RTTN: variants seen among roughly 807,000 people sequenced by gnomAD.
RTTN encodes the protein rotatin.
Under a neutral mutation model 269.2 loss-of-function variants are expected in RTTN, and 182 were observed. That is an observed-to-expected ratio of 0.68 (90% CI 0.60 to 0.76). The LOEUF (loss-of-function observed/expected upper bound fraction) is 0.76. RTTN is among the 30% of genes least tolerant of loss of function. The probability of loss-of-function intolerance (pLI) is 0.00; values close to 1 mark genes in which losing one functional copy is unlikely to be tolerated. For missense variants in RTTN, 2,545 were observed against 2,608.6 expected (o/e 0.98, Z 0.53); for synonymous variants, 1,006 against 963.5 (o/e 1.04, Z -0.82).
intron 28 of RTTN, among the ~76,000 whole-genome samples, chr18:70,093,529 C>T (rs1435539664): frequency 2.6e-5 from 4 of 152,028 alleles, no homozygotes; most frequent in African/African-American, 4.8e-5. Flanking sequence ...TGAATTTTAT[C>T]GAAAGACTTT....
chr18:70,028,889 G>C lies in RTTN; in HGVS notation c.5746-88C>G, dbSNP rs1050672014. On this transcript the variant is annotated intron_variant, in intron 42 of 48. Transcript: ENST00000640769. ...AGTAATTCCCTCCCCTTTGGGTCACGGGACAATGCAGGTGTGCTCTAATCA... is the reference window on the plus strand; with the variant it reads ...AGTAATTCCCTCCCCTTTGGGTCACCGGACAATGCAGGTGTGCTCTAATCA... 10 of 855,838 alleles carry C rather than the reference G, an allele frequency of 1.2e-5. No individual in the cohort carries two copies. In the African/African-American group the frequency reaches 1.7e-4, roughly 14 times the overall value. 53.0% of individuals were successfully genotyped at this position (855,838 alleles called of 1,614,324 possible). A position where few individuals can be genotyped will look rare whatever the true frequency, so the allele number is the denominator to read the frequency against.
chr18:70,047,581 A>C (rs12962601), intron 40 of RTTN, among the ~76,000 whole-genome samples: 116,590 of 152,124 alleles, frequency 0.77, 50,524 homozygotes, highest in East Asian at 1. Flanking sequence ...CATTTCTAGA[A>C]ATCAAATGTC....
chr18:70,188,231 T>C lies in RTTN; in HGVS notation c.1190-8A>G. 3.4e-6 allele frequency: 5 copies of C among 1,472,222 alleles called. No homozygotes were observed. Among genetic ancestry groups the C allele is most frequent in the Non-Finnish European group, 9.5e-7 (1 of 1,056,894 alleles). The allele number at this position is 1,472,222 out of a possible 1,614,324, so 91.2% of individuals were successfully genotyped here. ...TTATCACTTGTCTGCTACCTAGGAATACAAACAGAAAAAAGTAAAGGAGAA... is the reference window on the plus strand; with the variant it reads ...TTATCACTTGTCTGCTACCTAGGAACACAAACAGAAAAAAGTAAAGGAGAA... On this transcript the variant is annotated splice_polypyrimidine_tract_variant and splice_region_variant and intron_variant, in intron 9 of 48. Transcript: ENST00000640769.
rs554299497 is a variant in RTTN at position 70,031,324 on chromosome 18, A to C, written c.5542-343T>G. ...TACCTTATTAAAATGGGTCCTTGTA[A>C]AACTGCTGAACAGGAGAACTGTCAT... is the stretch of plus-strand genomic sequence containing the variant. On this transcript the variant is annotated intron_variant, in intron 40 of 48. Transcript: ENST00000640769. 4.9e-4 allele frequency: 196 copies of C among 402,058 alleles called. 4 individuals carry two copies. In the South Asian group the frequency reaches 0.023, roughly 47 times the overall value. The allele number at this position is 402,058 out of a possible 1,614,324, so 24.9% of individuals were successfully genotyped here.
chr18:70,145,943 T>C (rs1324251669), intron 17 of RTTN, among the ~76,000 whole-genome samples, 160 bp from the exon 18 acceptor site: 1 of 152,226 alleles, frequency 6.6e-6, no homozygotes, highest in Non-Finnish European at 1.5e-5. Context: ...CTAAAAATTC[T>C]TCGATATATA....
At chr18:70,191,819 A>G (rs1229283087) in intron 8 of RTTN, among the ~76,000 whole-genome samples, 1 of 152,194 alleles carries the variant, frequency 6.6e-6, no homozygotes, top group Non-Finnish European at 1.5e-5. Context: ...AAAATATGGA[A>G]ACAACTCGGG....
At chr18:70,015,593 T>C (rs1438274136) in intron 46 of RTTN, among the ~76,000 whole-genome samples, 5 of 152,176 alleles carry the variant, frequency 3.3e-5, no homozygotes, top group Non-Finnish European at 7.3e-5. Context: ...TCTCTTATCT[T>C]ACCCCTGCCT....
At chr18:70,085,072 C>T (rs1450516937) in intron 32 of RTTN, among the ~76,000 whole-genome samples, 2 of 152,050 alleles carry the variant, frequency 1.3e-5, no homozygotes, top group East Asian at 1.9e-4. Context: ...CAAGTATATC[C>T]ATGTACATGG....
chr18:70,197,371 C>T (rs556263999), intron 6 of RTTN, among the ~76,000 whole-genome samples: 2 of 152,318 alleles, frequency 1.3e-5, no homozygotes, highest in African/African-American at 4.8e-5. Flanking sequence ...GTCTACTCTA[C>T]CATTTAGGTG....
intron 17 of RTTN, among the ~76,000 whole-genome samples, chr18:70,148,481 G>A (rs2060453060): frequency 6.6e-6 from 1 of 152,174 alleles, no homozygotes; most frequent in Admixed American, 6.5e-5. Flanking sequence ...TCTGGTATTT[G>A]AGACAACTGG....
Position 70,114,449 on chromosome 18 carries a change from C to A in RTTN, c.3679G>T (p.Asp1227Tyr). 1 of 1,612,692 alleles carries A rather than the reference C, an allele frequency of 6.2e-7. No individual in the cohort carries two copies. The highest frequency in any genetic ancestry group is 1.1e-5 in the South Asian group (1 of 90,860). ...CTGCAATATTACAAATGGTACCTGT[C>A]AGTAACTTCCATGAAATTGAGCAGC... ...TLLLNFMEVT[D>Y]RKCSELLYVF... Residue 1227 changes from aspartate to tyrosine, a missense_variant, in exon 27 of 49, where the codon GAC (aspartate) becomes TAC (tyrosine). Physicochemically the swap from Asp to Tyr is radical, Grantham distance 160. Transcript: ENST00000640769.
intron 31 of RTTN, among the ~76,000 whole-genome samples, chr18:70,087,504 A>G (rs2058731953): frequency 6.6e-6 from 1 of 152,024 alleles, no homozygotes. Flanking sequence ...CAATTTGATT[A>G]TTGTTTTAAA....
intron 28 of RTTN, among the ~76,000 whole-genome samples, chr18:70,098,092 A>AT (rs910472501): frequency 1.3e-5 from 2 of 151,646 alleles, no homozygotes; most frequent in Non-Finnish European, 2.9e-5. Flanking sequence ...TCAATTATAT[A>AT]TTTTTTTTAA....
chr18:70,153,504 G>A (rs1195834606), intron 14 of RTTN, among the ~76,000 whole-genome samples: 1 of 151,986 alleles, frequency 6.6e-6, no homozygotes, highest in Non-Finnish European at 1.5e-5. Flanking sequence ...TGGAAGTGGT[G>A]GCCATTTAAT....
rs1243168388 is a variant in RTTN at position 70,020,593 on chromosome 18, T to C, written c.6153+22A>G. ...TTTCACTGAGTACCCTTTTAAGATA[T>C]GTGGGGAGTTTAAGTGCGTACCTTC... On this transcript the variant is annotated intron_variant, in intron 45 of 48. Coordinates refer to ENST00000640769, the MANE Select transcript of RTTN (RefSeq NM_173630.4). 7 of 1,574,750 alleles carry C rather than the reference T, an allele frequency of 4.4e-6. No individual in the cohort carries two copies. The East Asian group carries it at 6.7e-5, about 15-fold the overall frequency.
chr18:70,089,175 A>G (rs750922837), intron 30 of RTTN, among the ~76,000 whole-genome samples: 1 of 152,212 alleles, frequency 6.6e-6, no homozygotes, highest in Non-Finnish European at 1.5e-5. Flanking sequence ...CGTATGTTGA[A>G]GCCCTAATCC....
chr18:70,086,972 A>C (rs1317653445), intron 31 of RTTN, among the ~76,000 whole-genome samples: 1 of 152,138 alleles, frequency 6.6e-6, no homozygotes, highest in Non-Finnish European at 1.5e-5. Flanking sequence ...AGCTTTATTA[A>C]AAAATGATTT....
intron 46 of RTTN, among the ~76,000 whole-genome samples, chr18:70,012,307 G>A (rs139237141): frequency 8.2e-4 from 122 of 149,650 alleles, no homozygotes; most frequent in African/African-American, 2.8e-3. Context: ...ACAGGGCAGC[G>A]TCTGCTCACT....
chr18:70,169,411 T>C (rs1035747218), intron 11 of RTTN, among the ~76,000 whole-genome samples: 1 of 152,202 alleles, frequency 6.6e-6, no homozygotes, highest in Admixed American at 6.5e-5. Context: ...CCTTTTTCTC[T>C]AAGTATTTTC....
Sources: gnomAD v4.1 joint callset for allele counts (sites outside exome capture counted in the v4.1 genomes callset) on GRCh38, gnomAD v4.1.1 for gene constraint, MANE v1.5 for transcripts, NCBI Gene and HGNC (gene_info 2026-07-23, HGNC 2026-07-21) for gene names.